OCIAD2: variants seen among roughly 807,000 people sequenced by gnomAD.
The protein encoded by OCIAD2 is OCIA domain-containing protein 2.
OCIAD2 carries 29 observed loss-of-function variants against 22.9 expected under a neutral mutation model. That is an observed-to-expected ratio of 1.27 (90% confidence interval 0.94 to 1.73). The LOEUF (loss-of-function observed/expected upper bound fraction) is 1.73. Ranked by LOEUF, OCIAD2 falls within the 40% of genes most tolerant of loss-of-function variation. The pLI is 0.00. For missense variants in OCIAD2, 189 were observed against 180.3 expected (o/e 1.05, Z -0.28); for synonymous variants, 67 against 60.2 (o/e 1.11, Z -0.52).
chr4:48,896,455 T>C (rs2109676513), intron 4 of OCIAD2, among the ~76,000 whole-genome samples: 1 of 151,962 alleles, frequency 6.6e-6, no homozygotes, highest in Non-Finnish European at 1.5e-5. Context: ...TAGCTGGGTG[T>C]GGTGGCATGT....
intron 3 of OCIAD2, among the ~76,000 whole-genome samples, chr4:48,898,544 T>C (rs981978349): frequency 1.3e-5 from 2 of 152,148 alleles, no homozygotes; most frequent in Admixed American, 6.6e-5. Flanking sequence ...TATTCAAATC[T>C]CTCCAGTTGG....
intron 4 of OCIAD2, chr4:48,897,065 G>A (rs1013594765): frequency 6.6e-6 from 1 of 152,630 alleles, no homozygotes; most frequent in Admixed American, 6.5e-5. Flanking sequence ...AAAAGAAATG[G>A]TGTGGTGGAC....
intron 2 of OCIAD2, among the ~76,000 whole-genome samples, chr4:48,902,030 G>C (rs1188420604): frequency 6.6e-6 from 1 of 152,174 alleles, no homozygotes; most frequent in African/African-American, 2.4e-5. Context: ...GCTTCCCAAA[G>C]TGCTGGGGTT....
chr4:48,898,977 A>G (rs537915795), intron 3 of OCIAD2, among the ~76,000 whole-genome samples: 42 of 152,330 alleles, frequency 2.8e-4, no homozygotes, highest in Admixed American at 4.6e-4. Flanking sequence ...CTAGGGCCCA[A>G]TTAAATTTTC....
At chr4:48,896,634 A>G (rs1471254091) in intron 4 of OCIAD2, among the ~76,000 whole-genome samples, 2 of 152,034 alleles carry the variant, frequency 1.3e-5, no homozygotes, top group Non-Finnish European at 2.9e-5. Flanking sequence ...AGATCCCCAT[A>G]AAGTCCTGAT....
At chr4:48,899,051 T>C (rs1352335523) in intron 3 of OCIAD2, among the ~76,000 whole-genome samples, 1 of 152,208 alleles carries the variant, frequency 6.6e-6, no homozygotes, top group African/African-American at 2.4e-5. Flanking sequence ...AATCCCATAA[T>C]GTATAAAGAA....
At chr4:48,905,404 T>A (rs1201918767) in intron 1 of OCIAD2, among the ~76,000 whole-genome samples, 3 of 147,494 alleles carry the variant, frequency 2.0e-5, no homozygotes, top group African/African-American at 5.0e-5. Context: ...CCCAAGGGAA[T>A]ATCGAAAAGA....
At chr4:48,885,628 A>G (rs1292474964) in intron 6 of OCIAD2, 63 bp from the exon 7 acceptor site, 2 of 816,554 alleles carry the variant, frequency 2.4e-6, no homozygotes, top group Non-Finnish European at 4.3e-6. Flanking sequence ...TAGTCTTTAC[A>G]TAACATATTA....
chr4:48,894,184 A>G, intron 4 of OCIAD2, 131 bp from the exon 5 acceptor site: 1 of 400,456 alleles, frequency 2.5e-6, no homozygotes, highest in Admixed American at 4.5e-5. Context: ...AAATGTATAC[A>G]TATTCTGACT....
chr4:48,885,957 T>C (rs1234010626), intron 6 of OCIAD2, among the ~76,000 whole-genome samples: 2 of 152,214 alleles, frequency 1.3e-5, no homozygotes, highest in Non-Finnish European at 2.9e-5. Context: ...ATTTCGGCCT[T>C]TGTTACCATC....
intron 3 of OCIAD2, among the ~76,000 whole-genome samples, chr4:48,898,563 C>T (rs1030912976): frequency 6.6e-6 from 1 of 152,156 alleles, no homozygotes; most frequent in Non-Finnish European, 1.5e-5. Flanking sequence ...GGCCCAATAG[C>T]TGTGGGTTTT....
intron 4 of OCIAD2, among the ~76,000 whole-genome samples, chr4:48,895,127 A>G (rs1165114384): frequency 6.6e-6 from 1 of 152,198 alleles, no homozygotes; most frequent in Admixed American, 6.5e-5. Context: ...ACGAGAAAGG[A>G]AAAGGAAGCC....
chr4:48,905,355 A>G (rs1452762074), intron 1 of OCIAD2, among the ~76,000 whole-genome samples: 1 of 152,086 alleles, frequency 6.6e-6, no homozygotes, highest in African/African-American at 2.4e-5. Flanking sequence ...ACTTTAATAA[A>G]TGTGTCTAAA....
chr4:48,893,594 T>C (rs1188223858), intron 5 of OCIAD2: 1 of 154,040 alleles, frequency 6.5e-6, no homozygotes, highest in Non-Finnish European at 1.4e-5. Flanking sequence ...TGATCTATCA[T>C]GCAGAGGCTC....
rs1373289942 is a variant in OCIAD2 at position 48,896,595 on chromosome 4, G to A, written c.217+1209C>T. ...GACCCTGTCTCAAAAACAAACAAAC[G>A]AACCAAAAACCAACAAAACAAAACC... On this transcript the variant is annotated intron_variant, in intron 4 of 6. Coordinates refer to ENST00000508632, the MANE Select transcript of OCIAD2 (RefSeq NM_001014446.3). Among the ~76,000 whole-genome samples, 11 of 151,904 alleles carry A rather than the reference G, an allele frequency of 7.2e-5. 3 individuals carry two copies. The highest frequency in any genetic ancestry group is 1.9e-4 in the East Asian group (1 of 5,170).
At chr4:48,903,024 G>C (rs899840291) in intron 2 of OCIAD2, among the ~76,000 whole-genome samples, 6 of 152,126 alleles carry the variant, frequency 3.9e-5, no homozygotes, top group African/African-American at 1.2e-4. Flanking sequence ...TTTCACAGAG[G>C]CAACTCAGGT....
intron 2 of OCIAD2, among the ~76,000 whole-genome samples, chr4:48,903,881 G>A (rs1051017566): frequency 1.2e-4 from 18 of 151,832 alleles, no homozygotes; most frequent in African/African-American, 3.4e-4. Flanking sequence ...TCTTGACCTC[G>A]TGATCCACCC....
intron 6 of OCIAD2, 124 bp from the exon 7 acceptor site, chr4:48,885,689 T>G (rs745569091): frequency 4.9e-6 from 3 of 616,702 alleles, no homozygotes; most frequent in Non-Finnish European, 8.6e-6. Flanking sequence ...GGGGAGTCTA[T>G]CTATGTTGCC....
rs1358138330 is a variant in OCIAD2, at chr4:48,899,826, T to C, written c.163+3A>G. ...CCACAAATACAGTGTTAGGTGCAAT[T>C]ACCTCTCTTCCAGAAACTTTCTTCC... is the stretch of plus-strand genomic sequence containing the variant. On this transcript the variant is annotated splice_donor_region_variant and intron_variant, in intron 3 of 6. Coordinates refer to ENST00000508632, the MANE Select transcript of OCIAD2 (RefSeq NM_001014446.3). 1 of 1,605,990 alleles carries C rather than the reference T, an allele frequency of 6.2e-7. No individual in the cohort carries two copies. The highest frequency in any genetic ancestry group is 2.2e-5 in the East Asian group (1 of 44,824).
Sources: gnomAD v4.1 joint callset for allele counts (sites outside exome capture counted in the v4.1 genomes callset) on GRCh38, gnomAD v4.1.1 for gene constraint, MANE v1.5 for transcripts, NCBI Gene and HGNC (gene_info 2026-07-23, HGNC 2026-07-21) for gene names.